CCDC33: variants seen among roughly 807,000 people sequenced by gnomAD.
CCDC33 encodes coiled-coil domain-containing protein 33.
CCDC33 carries 94 observed loss-of-function variants against 91.9 expected under a neutral mutation model. That is an observed-to-expected ratio of 1.02 (90% CI 0.87 to 1.21). The LOEUF (loss-of-function observed/expected upper bound fraction) is 1.21. Among genes scored for constraint, CCDC33 ranks in the 50% most tolerant of loss-of-function variants. The pLI, the probability that CCDC33 is intolerant of heterozygous loss-of-function variation, is 0.00. For missense variants in CCDC33, 940 were observed against 935.5 expected (o/e 1.00, Z -0.06); for synonymous variants, 396 against 374.5 (o/e 1.06, Z -0.66).
chr15:74,271,375 G>T (rs909625873), intron 5 of CCDC33, among the ~76,000 whole-genome samples: 2 of 152,064 alleles, frequency 1.3e-5, no homozygotes, highest in African/African-American at 4.8e-5. Context: ...GAGGGGCCGA[G>T]GTTAGAACAC....
chr15:74,214,008 T>C (rs897796820), upstream of CCDC33, among the ~76,000 whole-genome samples: 23 of 152,138 alleles, frequency 1.5e-4, no homozygotes, highest in Non-Finnish European at 2.9e-4. Context: ...AGAGAACTCA[T>C]GGGCTCCCTG....
At position 74,218,959 on chromosome 15, in the gene CCDC33, T is replaced by TGAGCA. The variant is rs1201639529; in HGVS notation, c.675+105_675+109dup. On this transcript the variant is annotated intron_variant, in intron 2 of 2. Coordinates refer to the CCDC33 transcript ENST00000635913. This position sits in a 1 kb window ranked among gnomAD's most constrained non-coding sequence, Gnocchi z 4.8. ...GGCTACCCCCTGTCCTGAGCTGAGC[T>TGAGCA]GAGCAGAGCAGCAGAGCTCCCAAGG... is the stretch of plus-strand genomic sequence containing the variant. 5.2e-6 allele frequency: 6 copies of TGAGCA among 1,148,484 alleles called. No individual in the cohort carries two copies. Among genetic ancestry groups the TGAGCA allele is most frequent in the African/African-American group, 1.6e-5 (1 of 61,576 alleles). The allele number at this position is 1,148,484 out of a possible 1,614,324, so 71.1% of individuals were successfully genotyped here. A position where few individuals can be genotyped will look rare whatever the true frequency, so the allele number is the denominator to read the frequency against.
intron 1 of CCDC33, among the ~76,000 whole-genome samples, chr15:74,217,752 A>G (rs778288252): frequency 6.6e-5 from 10 of 151,922 alleles, no homozygotes; most frequent in Non-Finnish European, 1.2e-4. Flanking sequence ...GGCCTTTGTA[A>G]CCCGTGCCTC....
chr15:74,293,235 G>A (rs2059618799), intron 10 of CCDC33, among the ~76,000 whole-genome samples: 1 of 152,124 alleles, frequency 6.6e-6, no homozygotes, highest in South Asian at 2.1e-4. Flanking sequence ...TGGATTAGAT[G>A]GCAGTCTATG....
chr15:74,280,622 G>A (rs761452621), intron 8 of CCDC33, 46 bp from the exon 9 acceptor site: 13 of 1,432,838 alleles, frequency 9.1e-6, no homozygotes, highest in Admixed American at 5.3e-5. Context: ...GGATGGGGCC[G>A]AGGTGGGGGC....
At chr15:74,232,178 A>G (rs892475518), upstream of CCDC33, among the ~76,000 whole-genome samples, 2 of 152,172 alleles carry the variant, frequency 1.3e-5, no homozygotes, top group Non-Finnish European at 2.9e-5. Flanking sequence ...CAGCAGTAAT[A>G]CCAGGACATC....
chr15:74,300,707 G>A (rs79667769), intron 11 of CCDC33: 9,029 of 152,258 alleles, frequency 0.059, 664 homozygotes, highest in African/African-American at 0.18. Flanking sequence ...AGAGAAAAGC[G>A]CTCTGGGAAT....
intron 7 of CCDC33, 124 bp downstream of exon 7, chr15:74,273,015 C>G: frequency 7.7e-7 from 1 of 1,302,150 alleles, no homozygotes; most frequent in Non-Finnish European, 1.1e-6. Context: ...AATCCCACGG[C>G]ATACCCAGTG....
chr15:74,248,392 A>G (rs2075603421), intron 2 of CCDC33, among the ~76,000 whole-genome samples: 1 of 151,650 alleles, frequency 6.6e-6, no homozygotes, highest in Admixed American at 6.6e-5. Context: ...GTTTTTTGGT[A>G]CCCTGAGCTT....
intron 4 of CCDC33, 31 bp from the exon 5 acceptor site, chr15:74,268,309 CCT>C: frequency 6.7e-7 from 1 of 1,488,838 alleles, no homozygotes; most frequent in Non-Finnish European, 9.4e-7. Flanking sequence ...CACTCTCCTT[CCT>C]CTGTGTCTTC....
intron 2 of CCDC33, among the ~76,000 whole-genome samples, chr15:74,231,299 A>G (rs79006680): frequency 6.6e-6 from 1 of 152,212 alleles, no homozygotes; most frequent in Non-Finnish European, 1.5e-5. Context: ...CTCATAATCA[A>G]ACAGCCCTGC....
At chr15:74,217,428 C>T in exon 1 of CCDC33, 1 of 1,289,800 alleles carries the variant, frequency 7.8e-7, no homozygotes, top group Non-Finnish European at 1.0e-6. Context: ...AGAGAACCCC[C>T]TGCAGGTGGG....
At chr15:74,326,851 G>A (rs750342630) in intron 11 of CCDC33, among the ~76,000 whole-genome samples, 1 of 152,150 alleles carries the variant, frequency 6.6e-6, no homozygotes, top group Non-Finnish European at 1.5e-5. Flanking sequence ...ACAGGAATCT[G>A]GGCCATGGTG....
At chr15:74,226,503 G>T (rs1215799982) in intron 2 of CCDC33, among the ~76,000 whole-genome samples, 1 of 152,108 alleles carries the variant, frequency 6.6e-6, no homozygotes, top group Non-Finnish European at 1.5e-5. Flanking sequence ...TCTATGGTGG[G>T]GTGGGATTCC....
intron 7 of CCDC33, among the ~76,000 whole-genome samples, chr15:74,274,220 C>T (rs182931487): frequency 4.6e-5 from 7 of 152,332 alleles, no homozygotes; most frequent in Admixed American, 1.3e-4. Flanking sequence ...AGGCTATGAC[C>T]CATGTCAGGG....
At chr15:74,239,709 G>T (rs945824987) in intron 1 of CCDC33, among the ~76,000 whole-genome samples, 1 of 152,230 alleles carries the variant, frequency 6.6e-6, no homozygotes, top group African/African-American at 2.4e-5. Context: ...GGTTAAGTGA[G>T]AGGGAGCCTG....
chr15:74,311,413 G>GAT (rs2059991455), intron 11 of CCDC33: 1 of 152,204 alleles, frequency 6.6e-6, no homozygotes, highest in Non-Finnish European at 1.5e-5. Flanking sequence ...CTAGGATTCA[G>GAT]GCCTGGAGAG....
intron 11 of CCDC33, among the ~76,000 whole-genome samples, chr15:74,312,964 T>C (rs1023149233): frequency 6.6e-6 from 1 of 152,264 alleles, no homozygotes; most frequent in East Asian, 1.9e-4. Flanking sequence ...AACCAAACAA[T>C]GCCCTGGAAG....
chr15:74,314,475 C>A (rs1444494511), intron 11 of CCDC33, among the ~76,000 whole-genome samples: 1 of 152,206 alleles, frequency 6.6e-6, no homozygotes, highest in Non-Finnish European at 1.5e-5. Flanking sequence ...TCATGGCGAC[C>A]TCAAGGCAGA....
Sources: allele counts gnomAD v4.1 joint callset (sites outside exome capture counted in the v4.1 genomes callset), GRCh38; gene constraint gnomAD v4.1.1; non-coding constraint Gnocchi (gnomAD v3.1); transcripts MANE v1.5; gene names NCBI Gene and HGNC (gene_info 2026-07-23, HGNC 2026-07-21).